The following GNG5 variants were observed in gnomAD, a reference collection of about 807,000 sequenced individuals.
GNG5 encodes the protein guanine nucleotide-binding protein G(I)/G(S)/G(O) subunit gamma-5.
GNG5 carries 2 observed loss-of-function variants against 6.2 expected under a neutral mutation model. The observed-to-expected ratio is 0.32, with a 90% CI of 0.13 to 1.01. The LOEUF is 1.01. Ranked by LOEUF, GNG5 falls within the 50% of genes least tolerant of loss-of-function variation. The probability of loss-of-function intolerance (pLI) is 0.48; values close to 1 mark genes in which losing one functional copy is unlikely to be tolerated. For synonymous variants in GNG5, 24 were observed against 33.0 expected, an observed-to-expected ratio of 0.73 and a Z score of 0.93; for missense variants, 57 against 80.2, an observed-to-expected ratio of 0.71 and a Z score of 1.10.
At chr1:84,505,765 G>C (rs909611633) in intron 2 of GNG5, among the ~76,000 whole-genome samples, 12 of 152,208 alleles carry the variant, frequency 7.9e-5, no homozygotes, top group African/African-American at 2.7e-4. Flanking sequence ...GTTCAACCCA[G>C]GGGCCAGCCC....
chr1:84,505,946 T>A, intron 2 of GNG5, 65 bp downstream of exon 2: 1 of 1,133,162 alleles, frequency 8.8e-7, no homozygotes, highest in Non-Finnish European at 1.2e-6. Context: ...CCCCGCCAGC[T>A]GGGCCGCCGG....
At chr1:84,503,402 T>C (rs1682097654) in intron 2 of GNG5, among the ~76,000 whole-genome samples, 1 of 152,210 alleles carries the variant, frequency 6.6e-6, no homozygotes, top group African/African-American at 2.4e-5. Flanking sequence ...CTAAGATGAA[T>C]CTAAACGCTT....
intron 3 of GNG5, among the ~76,000 whole-genome samples, chr1:84,500,374 G>A (rs1475509374): frequency 6.6e-6 from 1 of 151,980 alleles, no homozygotes; most frequent in Non-Finnish European, 1.5e-5. Context: ...TACCTTCTGG[G>A]TTCTTACCCC....
chr1:84,500,860 T>C (rs1414654190), intron 3 of GNG5, among the ~76,000 whole-genome samples: 4 of 152,174 alleles, frequency 2.6e-5, no homozygotes, highest in Non-Finnish European at 5.9e-5. Flanking sequence ...TCCTGGACTT[T>C]GGAGAAGTCA....
At chr1:84,501,360 C>G (rs1217821608) in intron 3 of GNG5, among the ~76,000 whole-genome samples, 1 of 152,228 alleles carries the variant, frequency 6.6e-6, no homozygotes, top group Admixed American at 6.5e-5. Context: ...CTATACTGCT[C>G]TACAGCTGGG....
intron 3 of GNG5, among the ~76,000 whole-genome samples, chr1:84,500,030 T>C (rs1415425296): frequency 6.6e-6 from 1 of 152,156 alleles, no homozygotes; most frequent in East Asian, 1.9e-4. Context: ...AGGCAGAGGT[T>C]GCAGTGAGCC....
Position 84,506,025 on chromosome 1 carries a change from G to C in GNG5, c.67C>G (p.Leu23Val). The C allele has an allele frequency of 1.3e-6, 2 of 1,567,494 alleles. No homozygotes were observed. Among genetic ancestry groups the C allele is most frequent in the East Asian group, 5.2e-5 (2 of 38,778 alleles). The change falls in exon 2 of 4, where the codon CTC becomes GTC. Residue 23 changes from leucine (L) to valine (V), a missense_variant. Leu to Val is a conservative substitution (Grantham distance 32). Coordinates refer to ENST00000370645, the MANE Select transcript of GNG5 (RefSeq NM_005274.3). Reference sequence around the variant, plus strand: ...CCCCCGCTCACTTTTACGCGGTTGAGTCCGGCCTCCAGCCGGAGCTGTTGA... The same window carrying C: ...CCCCCGCTCACTTTTACGCGGTTGACTCCGGCCTCCAGCCGGAGCTGTTGA... ...VVQQLRLEAGLNRVKVSQAAA... is the reference protein window; with the variant it reads ...VVQQLRLEAGVNRVKVSQAAA...
At chr1:84,500,342 C>G (rs1159456551) in intron 3 of GNG5, among the ~76,000 whole-genome samples, 3 of 152,200 alleles carry the variant, frequency 2.0e-5, no homozygotes, top group Non-Finnish European at 4.4e-5. Context: ...TCTTATACTG[C>G]TGGGATTAAT....
At chr1:84,504,236 A>G (rs540005566) in intron 2 of GNG5, among the ~76,000 whole-genome samples, 1 of 152,368 alleles carries the variant, frequency 6.6e-6, no homozygotes, top group South Asian at 2.1e-4. Flanking sequence ...CAGATACACA[A>G]CGTTAAACCA....
chr1:84,506,088 A>G lies in GNG5; in HGVS notation c.4T>C (p.Ser2Pro). The change falls in exon 2 of 4, where the codon TCT (serine) becomes CCT (proline). Residue 2 changes from serine (S) to proline (P), a missense_variant. Physicochemically the swap from Ser to Pro is moderately conservative, Grantham distance 74. Transcript: ENST00000370645. M[S>P]GSSSVAAMKK... The stretch of plus-strand genomic sequence containing the variant: ...ATAGCGGCGACGCTGGAGGAGCCAG[A>G]CATGGTGCACGCGACGGCCGGGCCG... 6.3e-7 allele frequency: 1 copy of G among 1,575,720 alleles called. No individual in the cohort carries two copies. Among genetic ancestry groups the G allele is most frequent in the Non-Finnish European group, 8.6e-7 (1 of 1,162,694 alleles).
chr1:84,506,345 G>A (rs1455036624), intron 1 of GNG5, 44 bp from the exon 2 acceptor site: 2 of 367,884 alleles, frequency 5.4e-6, no homozygotes, highest in Admixed American at 4.9e-5. Context: ...CGGTGGGCGC[G>A]GCGGCTGCTG....
chr1:84,505,927 C>A, intron 2 of GNG5, 84 bp downstream of exon 2: 1 of 971,164 alleles, frequency 1.0e-6, no homozygotes, highest in South Asian at 2.5e-5. Flanking sequence ...CGGCGCGTGT[C>A]CCGCCCGCCC....
chr1:84,502,079 C>A, intron 2 of GNG5, 109 bp from the exon 3 acceptor site: 3 of 679,602 alleles, frequency 4.4e-6, no homozygotes, highest in South Asian at 2.1e-5. Flanking sequence ...ACTTCTCTTG[C>A]TTCAAAAGAA....
chr1:84,500,906 C>CT (rs1558551217), intron 3 of GNG5, among the ~76,000 whole-genome samples: 1 of 152,094 alleles, frequency 6.6e-6, no homozygotes, highest in African/African-American at 2.4e-5. Context: ...TATACAAAAT[C>CT]TTTTTTAAAA....
rs769192512 is a variant in GNG5 at position 84,501,978 on chromosome 1, T to C, written c.82-8A>G. ...TGCAGCTGCCTGGGAAACCTATACA[T>C]AACAAAGAGGGGGGGAAGTGCCAGA... is the stretch of plus-strand genomic sequence containing the variant. On this transcript the variant is annotated splice_region_variant and splice_polypyrimidine_tract_variant and intron_variant, in intron 2 of 3. Coordinates refer to ENST00000370645, the MANE Select transcript of GNG5 (RefSeq NM_005274.3). 1 of 1,608,186 alleles carries C rather than the reference T, an allele frequency of 6.2e-7. No homozygotes were observed. Among genetic ancestry groups the C allele is most frequent in the Non-Finnish European group, 8.5e-7 (1 of 1,175,406 alleles).
intron 1 of GNG5, 48 bp from the exon 2 acceptor site, chr1:84,506,349 G>T: frequency 2.8e-6 from 1 of 360,346 alleles, no homozygotes. Context: ...GGGCGCGGCG[G>T]CTGCTGGAGG....
At chr1:84,499,445 G>A (rs368885478) in intron 3 of GNG5, among the ~76,000 whole-genome samples, 1 of 152,086 alleles carries the variant, frequency 6.6e-6, no homozygotes, top group East Asian at 1.9e-4. Context: ...AATGTTAAAC[G>A]TTCACTCCTT....
intron 2 of GNG5, among the ~76,000 whole-genome samples, chr1:84,505,518 G>A (rs773129436): frequency 2.3e-5 from 3 of 129,030 alleles, no homozygotes; most frequent in South Asian, 4.8e-4. Context: ...CAACGGACAA[G>A]AGAAGTTGAA....
At chr1:84,500,532 T>C (rs1682036736) in intron 3 of GNG5, among the ~76,000 whole-genome samples, 1 of 151,990 alleles carries the variant, frequency 6.6e-6, no homozygotes, top group African/African-American at 2.4e-5. Context: ...AAAAAAACAA[T>C]CATTAATAAA....
Sources: gnomAD v4.1 joint callset for allele counts (sites outside exome capture counted in the v4.1 genomes callset) on GRCh38, gnomAD v4.1.1 for gene constraint, MANE v1.5 for transcripts, NCBI Gene and HGNC (gene_info 2026-07-23, HGNC 2026-07-21) for gene names.